Variants in ZDHHC20 observed in about 807,000 individuals in gnomAD.
ZDHHC20 encodes palmitoyltransferase ZDHHC20.
In ZDHHC20, 43 loss-of-function variants were observed where a neutral mutation model predicts 57.8. The observed-to-expected ratio is 0.74, with a 90% CI of 0.58 to 0.96. ZDHHC20 has a LOEUF of 0.96. Ranked by LOEUF, ZDHHC20 falls within the 40% of genes least tolerant of loss-of-function variation. The probability of loss-of-function intolerance (pLI) is 0.00; values close to 1 mark genes in which losing one functional copy is unlikely to be tolerated. For synonymous variants in ZDHHC20, 157 were observed against 153.0 expected, an observed-to-expected ratio of 1.03 and a Z score of -0.19; for missense variants, 391 against 441.1, an observed-to-expected ratio of 0.89 and a Z score of 1.02.
intron 1 of ZDHHC20, among the ~76,000 whole-genome samples, chr13:21,429,961 T>C (rs1171651652): frequency 6.6e-6 from 1 of 152,218 alleles, no homozygotes; most frequent in Non-Finnish European, 1.5e-5. Flanking sequence ...TTACATCTTC[T>C]ATTTCTTTGT....
At chr13:21,396,440 A>T (rs1876797641) in intron 7 of ZDHHC20, among the ~76,000 whole-genome samples, 1 of 152,250 alleles carries the variant, frequency 6.6e-6, no homozygotes, top group South Asian at 2.1e-4. Context: ...ATTTATATGG[A>T]ATAGACAACA....
At chr13:21,401,393 T>A (rs556403100) in intron 6 of ZDHHC20, among the ~76,000 whole-genome samples, 1 of 152,254 alleles carries the variant, frequency 6.6e-6, no homozygotes, top group Admixed American at 6.5e-5. Context: ...TAATTGTGAA[T>A]GTTTGTATTT....
intron 3 of ZDHHC20, 93 bp from the exon 4 acceptor site, chr13:21,413,865 A>G: frequency 1.8e-6 from 2 of 1,100,844 alleles, no homozygotes; most frequent in African/African-American, 1.6e-5. Context: ...AAGAAAACCA[A>G]AAACTATTTT....
intron 10 of ZDHHC20, among the ~76,000 whole-genome samples, chr13:21,382,580 C>T (rs1299393983): frequency 2.0e-5 from 3 of 152,112 alleles, no homozygotes; most frequent in African/African-American, 7.2e-5. Flanking sequence ...TTTGCAAAAA[C>T]ATAACTGACA....
Position 21,447,373 on chromosome 13 carries a change from G to T in ZDHHC20, c.118+11681C>A, listed in dbSNP as rs1159324939. 4.0e-5 allele frequency among the ~76,000 whole-genome samples: 6 copies of T among 150,010 alleles called. No individual in the cohort carries two copies. The South Asian group carries it at 1.3e-3, about 33-fold the overall frequency. On this transcript the variant is annotated intron_variant, in intron 1 of 12. Coordinates refer to ENST00000400590, the MANE Select transcript of ZDHHC20 (RefSeq NM_001330059.2). The stretch of plus-strand genomic sequence containing the variant: ...AGCTGGACTGTACCGCTGCCATCTC[G>T]GCTCACTGCAACCTCCCTGCCTGAT...
At chr13:21,416,050 C>A (rs1034908517) in intron 3 of ZDHHC20, among the ~76,000 whole-genome samples, 7 of 151,412 alleles carry the variant, frequency 4.6e-5, no homozygotes, top group African/African-American at 1.7e-4. Context: ...AAAAAAAATA[C>A]AAAAATTAGC....
chr13:21,428,060 A>T (rs1368168341), intron 1 of ZDHHC20, among the ~76,000 whole-genome samples: 1 of 152,096 alleles, frequency 6.6e-6, no homozygotes. Context: ...TTTCACCAGC[A>T]TCTGAAACAG....
chr13:21,413,721 C>T lies in ZDHHC20; in HGVS notation c.301G>A (p.Glu101Lys). Reference sequence around the variant, plus strand: ...CTTCTCAAAATTTCTTGTTGTCTTTCTTGGCTGAATTCTTTTTCATAACGT... The same window carrying T: ...CTTCTCAAAATTTCTTGTTGTCTTTTTTGGCTGAATTCTTTTTCATAACGT... ...KERYEKEFSQERQQEILRRAA... is the reference protein window; with the variant it reads ...KERYEKEFSQKRQQEILRRAA... The change falls in exon 4 of 13, where the codon GAA (glutamate) becomes AAA (lysine). Residue 101 changes from glutamate (E) to lysine (K), a missense_variant. This residue lies in a region of ZDHHC20 where 185 missense variants were observed against 188.0 expected (regional missense o/e 0.98). Coordinates refer to ENST00000400590, the MANE Select transcript of ZDHHC20 (RefSeq NM_001330059.2). 1 of 1,611,692 alleles carries T rather than the reference C, an allele frequency of 6.2e-7. No individual in the cohort carries two copies. The highest frequency in any genetic ancestry group is 8.5e-7 in the Non-Finnish European group (1 of 1,179,080).
rs1408336911 is a variant in ZDHHC20, at chr13:21,376,478, C to T, written c.*218G>A. ...TCTAAGTCAATGCTGCACAAATGGA[C>T]ACTTAAGATTAAGGCATCATTCTGC... On this transcript the variant is annotated 3_prime_UTR_variant, in exon 13 of 13. Transcript: ENST00000400590. 3 of 390,604 alleles carry T rather than the reference C, an allele frequency of 7.7e-6. No homozygotes were observed. The highest frequency in any genetic ancestry group is 6.3e-5 in the African/African-American group (3 of 47,976). 24.2% of individuals were successfully genotyped at this position (390,604 alleles called of 1,614,324 possible).
chr13:21,426,669 A>T (rs1466909255), intron 1 of ZDHHC20, among the ~76,000 whole-genome samples: 1 of 148,772 alleles, frequency 6.7e-6, no homozygotes, highest in South Asian at 2.1e-4. Context: ...GCAGTGGCAC[A>T]ATCTTGGCTC....
chr13:21,380,322 G>A (rs1041656996), intron 11 of ZDHHC20, among the ~76,000 whole-genome samples: 6 of 150,772 alleles, frequency 4.0e-5, no homozygotes, highest in African/African-American at 1.5e-4. Flanking sequence ...CACCACGTTC[G>A]CCAAGCTGGT....
intron 1 of ZDHHC20, among the ~76,000 whole-genome samples, chr13:21,452,866 A>T (rs995625327): frequency 3.3e-5 from 5 of 151,942 alleles, no homozygotes; most frequent in African/African-American, 1.2e-4. Flanking sequence ...AATCAAAATT[A>T]AAAAAATTGT....
intron 1 of ZDHHC20, among the ~76,000 whole-genome samples, chr13:21,448,209 G>T (rs1234362853): frequency 3.5e-5 from 2 of 57,738 alleles, no homozygotes; most frequent in South Asian, 5.0e-4. Context: ...TCAGCCCCCC[G>T]CCCGGCCAGC....
chr13:21,451,844 A>T (rs1284343127), intron 1 of ZDHHC20, among the ~76,000 whole-genome samples: 3 of 152,006 alleles, frequency 2.0e-5, no homozygotes, highest in Non-Finnish European at 4.4e-5. Flanking sequence ...ACAAAAAAAA[A>T]TTAGCAGGGC....
At chr13:21,406,651 T>G (rs545848660) in intron 4 of ZDHHC20, among the ~76,000 whole-genome samples, 2 of 152,066 alleles carry the variant, frequency 1.3e-5, no homozygotes, top group East Asian at 3.9e-4. Context: ...TTTCTGCTCC[T>G]GTGTTAGTTT....
intron 5 of ZDHHC20, 150 bp from the exon 6 acceptor site, chr13:21,401,835 T>G: frequency 1.5e-6 from 1 of 668,392 alleles, no homozygotes. Flanking sequence ...TAATTTCTGA[T>G]GCTTCCACAA....
chr13:21,438,399 A>C (rs1448564844), intron 1 of ZDHHC20, among the ~76,000 whole-genome samples: 1 of 152,226 alleles, frequency 6.6e-6, no homozygotes, highest in Non-Finnish European at 1.5e-5. Context: ...GTCCAAGATC[A>C]TGGATGACAC....
intron 8 of ZDHHC20, among the ~76,000 whole-genome samples, chr13:21,389,504 T>C (rs963793009): frequency 2.6e-5 from 4 of 152,202 alleles, no homozygotes; most frequent in African/African-American, 7.2e-5. Flanking sequence ...TTTATATAAT[T>C]TTATAAATAT....
chr13:21,403,013 T>C, intron 4 of ZDHHC20, 147 bp from the exon 5 acceptor site: 1 of 608,078 alleles, frequency 1.6e-6, no homozygotes. Context: ...AAATGTATTA[T>C]ACTAGAGAGC....
Sources: allele counts gnomAD v4.1 joint callset (sites outside exome capture counted in the v4.1 genomes callset), GRCh38; gene constraint gnomAD v4.1.1; regional missense constraint gnomAD v4.1.1; transcripts MANE v1.5; gene names NCBI Gene and HGNC (gene_info 2026-07-23, HGNC 2026-07-21).